RIGI: variants seen among roughly 807,000 people sequenced by gnomAD.
The protein encoded by RIGI is antiviral innate immune response receptor RIG-I.
At chr9:32,504,955 TTA>T in the RIGI span, among the ~76,000 whole-genome samples, 15 of 49,884 alleles carry the variant, frequency 3.0e-4, no homozygotes, top group East Asian at 2.2e-3. Context: ...AACATATATA[TTA>T]TATATTTATT....
At chr9:32,495,966 G>A in the RIGI span, among the ~76,000 whole-genome samples, 1 of 152,156 alleles carries the variant, frequency 6.6e-6, no homozygotes, top group African/African-American at 2.4e-5. Context: ...TCTTTGAGTT[G>A]CAGGAGTTCT....
chr9:32,474,046 A>G, the RIGI span, among the ~76,000 whole-genome samples: 3 of 152,002 alleles, frequency 2.0e-5, no homozygotes, highest in Admixed American at 6.6e-5. Flanking sequence ...ATAAATAAAA[A>G]TAAAAATTAG....
chr9:32,487,428 A>T, the RIGI span: 1 of 1,592,248 alleles, frequency 6.3e-7, no homozygotes, highest in Non-Finnish European at 8.6e-7. Flanking sequence ...GAGGTAGTAG[A>T]GAGTAACAGA....
At chr9:32,479,323 G>A in the RIGI span, among the ~76,000 whole-genome samples, 8 of 151,938 alleles carry the variant, frequency 5.3e-5, no homozygotes, top group Admixed American at 5.2e-4. Flanking sequence ...TTTTTCTCTA[G>A]TGGGTTGTTA....
the RIGI span, among the ~76,000 whole-genome samples, chr9:32,465,253 C>A: frequency 6.6e-6 from 1 of 152,162 alleles, no homozygotes; most frequent in African/African-American, 2.4e-5. Context: ...CTTAATCTCC[C>A]AGCTTTAGGA....
At chr9:32,458,792 C>A in the RIGI span, among the ~76,000 whole-genome samples, 1 of 151,790 alleles carries the variant, frequency 6.6e-6, no homozygotes, top group Non-Finnish European at 1.5e-5. Context: ...CAGTACATTA[C>A]TATTATCTAA....
chr9:32,492,347 G>A, the RIGI span: 16 of 1,607,298 alleles, frequency 1.0e-5, no homozygotes, highest in Non-Finnish European at 1.1e-5. Flanking sequence ...CGGTTGGAAT[G>A]AGCGAGTCCT....
At chr9:32,491,432 CAA>C in the RIGI span, 1 of 1,581,464 alleles carries the variant, frequency 6.3e-7, no homozygotes, top group East Asian at 2.3e-5. Context: ...TTTTTAAGAC[CAA>C]AAAAGTCTTA....
At chr9:32,479,551 T>C in the RIGI span, among the ~76,000 whole-genome samples, 3 of 152,046 alleles carry the variant, frequency 2.0e-5, no homozygotes, top group African/African-American at 7.2e-5. Context: ...TAAAAATATA[T>C]ATAGGCCAGG....
At chr9:32,495,849 G>A in the RIGI span, among the ~76,000 whole-genome samples, 1 of 151,870 alleles carries the variant, frequency 6.6e-6, no homozygotes, top group East Asian at 1.9e-4. Context: ...TAGAGACAGG[G>A]TTTTGCCATG....
the RIGI span, among the ~76,000 whole-genome samples, chr9:32,516,345 A>G: frequency 6.6e-6 from 1 of 152,164 alleles, no homozygotes. Context: ...CCCTGGCAAT[A>G]CTTGTTGTCT....
chr9:32,494,140 A>G, the RIGI span, among the ~76,000 whole-genome samples: 1 of 152,214 alleles, frequency 6.6e-6, no homozygotes, highest in Non-Finnish European at 1.5e-5. Flanking sequence ...TCTTCTAGCA[A>G]TATTTATTAT....
chr9:32,506,409 G>A, the RIGI span, among the ~76,000 whole-genome samples: 4 of 152,182 alleles, frequency 2.6e-5, no homozygotes, highest in Non-Finnish European at 5.9e-5. Flanking sequence ...GACAAAAACA[G>A]ACCAAACAAA....
the RIGI span, among the ~76,000 whole-genome samples, chr9:32,507,929 G>A: frequency 6.6e-6 from 1 of 152,048 alleles, no homozygotes. Context: ...CTAATTACAT[G>A]GCCATAGCTG....
the RIGI span, among the ~76,000 whole-genome samples, chr9:32,471,283 T>C: frequency 6.6e-6 from 1 of 152,170 alleles, no homozygotes; most frequent in Non-Finnish European, 1.5e-5. Context: ...AAAGTTCCAA[T>C]TTTTTCCTAA....
the RIGI span, among the ~76,000 whole-genome samples, chr9:32,472,168 A>G: frequency 6.6e-6 from 1 of 152,186 alleles, no homozygotes; most frequent in Non-Finnish European, 1.5e-5. Flanking sequence ...AAAATACATA[A>G]TATACACAAA....
At chr9:32,465,148 T>C in the RIGI span, among the ~76,000 whole-genome samples, 1 of 152,186 alleles carries the variant, frequency 6.6e-6, no homozygotes, top group Non-Finnish European at 1.5e-5. Flanking sequence ...GAAGAGAGAA[T>C]AGAGAATCCC....
the RIGI span, among the ~76,000 whole-genome samples, chr9:32,464,895 G>T: frequency 6.6e-6 from 1 of 152,164 alleles, no homozygotes; most frequent in Non-Finnish European, 1.5e-5. Context: ...TGATTCAACA[G>T]ATACTTAACC....
the RIGI span, among the ~76,000 whole-genome samples, chr9:32,495,659 C>CT: frequency 0.35 from 41,991 of 120,728 alleles, 8,343 homozygotes; most frequent in East Asian, 0.73. Flanking sequence ...AGTCCTTTGC[C>CT]TTTTTTTTTT....
Sources: gnomAD v4.1 joint callset for allele counts (sites outside exome capture counted in the v4.1 genomes callset) on GRCh38, gnomAD v4.1.1 for gene constraint, MANE v1.5 for transcripts, NCBI Gene and HGNC (gene_info 2026-07-23, HGNC 2026-07-21) for gene names.